The following TNPO3 variants were observed in gnomAD, a reference collection of about 807,000 sequenced individuals.
TNPO3 encodes transportin 3.
TNPO3 carries 65 observed loss-of-function variants against 122.8 expected under a neutral mutation model. The observed-to-expected ratio is 0.53, with a 90% CI of 0.43 to 0.65. The LOEUF (loss-of-function observed/expected upper bound fraction) is 0.65. TNPO3 is among the 30% of genes least tolerant of loss of function. The pLI is 0.00. For synonymous variants in TNPO3, 372 were observed against 411.2 expected, an observed-to-expected ratio of 0.90 and a Z score of 1.15; for missense variants, 850 against 1,136.7, an observed-to-expected ratio of 0.75 and a Z score of 3.63.
chr7:128,993,811 G>A lies in TNPO3; in HGVS notation c.1262C>T (p.Ala421Val), dbSNP rs766985052. Residue 421 changes from alanine (A) to valine (V), a missense_variant, in exon 9 of 23, where the codon GCT becomes GTT. Coordinates refer to ENST00000265388, the MANE Select transcript of TNPO3 (RefSeq NM_012470.4). Reference sequence around the variant, plus strand: ...ACAATCTCCAAATAGGCTTACCTGAGCAAAACACTCCATAGACCCTATCAA... The same window carrying A: ...ACAATCTCCAAATAGGCTTACCTGAACAAAACACTCCATAGACCCTATCAA... ...IFLIGSMECF[A>V]QLYSTLKEGN... 1.2e-6 allele frequency: 2 copies of A among 1,612,384 alleles called. No individual in the cohort carries two copies. The highest frequency in any genetic ancestry group is 2.2e-5 in the East Asian group (1 of 44,882).
At chr7:128,957,016 C>G (rs537302124) in intron 22 of TNPO3, among the ~76,000 whole-genome samples, 2 of 152,306 alleles carry the variant, frequency 1.3e-5, no homozygotes, top group East Asian at 3.9e-4. Context: ...AATGGTACCC[C>G]AAAGACACTG....
At chr7:128,998,337 G>A (rs189189960) in intron 7 of TNPO3, among the ~76,000 whole-genome samples, 1 of 152,150 alleles carries the variant, frequency 6.6e-6, no homozygotes, top group Non-Finnish European at 1.5e-5. Flanking sequence ...TCCAGCCTAG[G>A]CAACAGAGTG....
chr7:128,966,889 T>A (rs1039646376), intron 21 of TNPO3, among the ~76,000 whole-genome samples: 1 of 152,226 alleles, frequency 6.6e-6, no homozygotes, highest in Non-Finnish European at 1.5e-5. Context: ...GTCATCTACA[T>A]CACTTTCTGA....
chr7:128,981,646 C>T (rs1799635182), intron 14 of TNPO3, among the ~76,000 whole-genome samples: 1 of 151,880 alleles, frequency 6.6e-6, no homozygotes, highest in Non-Finnish European at 1.5e-5. Flanking sequence ...GATTCTGATG[C>T]ATGTGGAATG....
At position 128,992,108 on chromosome 7, in the gene TNPO3, G is replaced by C. The variant is rs1038288013; in HGVS notation, c.1267-18C>G. ...GAATATAACTAGAGAAGAAGAGGTGGATTATGGATCCATTAAAAGGAAAAC... is the reference window on the plus strand; with the variant it reads ...GAATATAACTAGAGAAGAAGAGGTGCATTATGGATCCATTAAAAGGAAAAC... On this transcript the variant is annotated intron_variant, in intron 9 of 22. Transcript: ENST00000265388. 17 of 1,433,640 alleles carry C rather than the reference G, an allele frequency of 1.2e-5. No individual in the cohort carries two copies. In the African/African-American group the frequency reaches 2.2e-4, roughly 18 times the overall value. 88.8% of individuals were successfully genotyped at this position (1,433,640 alleles called of 1,614,324 possible).
intron 7 of TNPO3, among the ~76,000 whole-genome samples, chr7:128,999,353 G>A (rs1215271790): frequency 1.3e-5 from 2 of 152,130 alleles, no homozygotes; most frequent in African/African-American, 4.8e-5. Flanking sequence ...TTTCCATATG[G>A]TACTGTTTAA....
chr7:128,955,033 ATG>A lies in TNPO3; in HGVS notation c.*382_*383del, dbSNP rs1796770701. 2 of 311,110 alleles carry A rather than the reference ATG, an allele frequency of 6.4e-6. No individual in the cohort carries two copies. The highest frequency in any genetic ancestry group is 4.6e-5 in the African/African-American group (2 of 43,942). The allele number at this position is 311,110 out of a possible 1,614,324, so 19.3% of individuals were successfully genotyped here. A position where few individuals can be genotyped will look rare whatever the true frequency, so the allele number is the denominator to read the frequency against. ...TGTGCGTGTATGTGTGTGTGCGTGC[ATG>A]TGTCATTTGCTACCAGGTGAATGTT... On this transcript the variant is annotated 3_prime_UTR_variant, in exon 23 of 23. Transcript: ENST00000265388.
At chr7:128,984,952 C>G (rs182085652) in intron 12 of TNPO3, among the ~76,000 whole-genome samples, 18 of 152,250 alleles carry the variant, frequency 1.2e-4, no homozygotes, top group Admixed American at 9.8e-4. Context: ...CAAGTGGAGA[C>G]AGAAGGTCCA....
chr7:128,984,213 T>G lies in TNPO3; in HGVS notation c.1737A>C (p.Glu579Asp), dbSNP rs183831524. The G allele has an allele frequency of 6.2e-7, 1 of 1,613,274 alleles. No individual in the cohort carries two copies. Among genetic ancestry groups the G allele is most frequent in the East Asian group, 2.2e-5 (1 of 44,806 alleles). The change falls in exon 13 of 23, where the codon GAA (glutamate) becomes GAC (aspartate). Residue 579 changes from glutamate to aspartate, a missense_variant. Transcript: ENST00000265388. ...LARLPLDKIT[E>D]CLSELCSVQV... ...GAACAGAACATAGTTCACTAAGACA[T>G]TCGGTAATCTTATCCAAAGGTAATC... is the stretch of plus-strand genomic sequence containing the variant.
At chr7:129,029,749 G>A (rs945266520) in intron 1 of TNPO3, 3 of 152,086 alleles carry the variant, frequency 2.0e-5, no homozygotes, top group Admixed American at 6.5e-5. Context: ...CAGGGCCGTC[G>A]CGGTGGCTCA....
chr7:129,041,588 G>A, intron 1 of TNPO3: 2 of 985,468 alleles, frequency 2.0e-6, no homozygotes, highest in Non-Finnish European at 2.4e-6. Flanking sequence ...ACAGATGCCA[G>A]GTGCTACCCA....
Position 128,967,318 on chromosome 7 carries a change from T to C in TNPO3, c.2673A>G (p.Thr891=), listed in dbSNP as rs753856787. 5.6e-6 allele frequency: 9 copies of C among 1,614,044 alleles called. No individual in the cohort carries two copies. Among genetic ancestry groups the C allele is most frequent in the Middle Eastern group, 1.6e-4 (1 of 6,062 alleles). ...TGTGGAAGTCTGTAAGTTGTTTGTG[T>C]GTCACTGTGACGGCTCCCACGGTTG... The part of the protein sequence containing the change: ...KETTVGAVTV[T]HKQLTDFHKQ... The change falls in exon 21 of 23, where the codon ACA becomes ACG. Residue 891 remains threonine (T), a synonymous_variant. Coordinates refer to ENST00000265388, the MANE Select transcript of TNPO3 (RefSeq NM_012470.4).
intron 12 of TNPO3, 58 bp from the exon 13 acceptor site, chr7:128,984,317 T>A (rs1799929726): frequency 1.6e-6 from 2 of 1,224,932 alleles, no homozygotes; most frequent in Non-Finnish European, 2.4e-6. Context: ...GTAACTTAAC[T>A]GGACTACATC....
At chr7:129,005,665 T>C (rs1490275556) in intron 4 of TNPO3, among the ~76,000 whole-genome samples, 1 of 152,082 alleles carries the variant, frequency 6.6e-6, no homozygotes, top group Non-Finnish European at 1.5e-5. Context: ...TCCCCCATGA[T>C]TGTTAAGTTT....
At chr7:128,995,869 T>C (rs1174792988) in intron 8 of TNPO3, among the ~76,000 whole-genome samples, 1 of 152,202 alleles carries the variant, frequency 6.6e-6, no homozygotes, top group Non-Finnish European at 1.5e-5. Context: ...CAGCTAATTT[T>C]TGTATTTTTA....
intron 18 of TNPO3, among the ~76,000 whole-genome samples, chr7:128,973,839 T>C (rs1239742168): frequency 8.6e-6 from 1 of 116,600 alleles, no homozygotes. Context: ...AAAAAAAGGG[T>C]TTTTCTAACC....
Position 128,997,485 on chromosome 7 carries a change from G to A in TNPO3, c.1062C>T (p.Tyr354=). ...CATGAATAACTTCATCGTTAGTTTTGTACAAATGTTCCCCCAGTCGGTACC... is the reference window on the plus strand; with the variant it reads ...CATGAATAACTTCATCGTTAGTTTTATACAAATGTTCCCCCAGTCGGTACC... ...NFWYRLGEHL[Y]KTNDEVIHGI... The change falls in exon 8 of 23, where the codon TAC becomes TAT. Residue 354 remains tyrosine, a synonymous_variant. Coordinates refer to ENST00000265388, the MANE Select transcript of TNPO3 (RefSeq NM_012470.4). 5 of 1,613,962 alleles carry A rather than the reference G, an allele frequency of 3.1e-6. No homozygotes were observed. The highest frequency in any genetic ancestry group is 4.2e-6 in the Non-Finnish European group (5 of 1,179,874).
intron 16 of TNPO3, among the ~76,000 whole-genome samples, chr7:128,977,652 A>C (rs1201915109): frequency 6.8e-6 from 1 of 146,776 alleles, no homozygotes; most frequent in African/African-American, 2.5e-5. Flanking sequence ...GCTGGAGTGC[A>C]GTGGCACGAT....
At chr7:129,018,881 G>A (rs1041971425) in intron 1 of TNPO3, among the ~76,000 whole-genome samples, 24 of 152,216 alleles carry the variant, frequency 1.6e-4, no homozygotes, top group African/African-American at 5.8e-4. Flanking sequence ...ACCACACCCA[G>A]CTAATATTTG....
Sources: allele counts gnomAD v4.1 joint callset (sites outside exome capture counted in the v4.1 genomes callset), GRCh38; gene constraint gnomAD v4.1.1; transcripts MANE v1.5; gene names NCBI Gene and HGNC (gene_info 2026-07-23, HGNC 2026-07-21).